Variants in BCL7B observed in about 807,000 individuals in gnomAD.
The protein encoded by BCL7B is BAF chromatin remodeling complex subunit BCL7B.
A neutral mutation model predicts 26.5 loss-of-function variants in BCL7B; 11 were observed. The ratio of observed to expected loss-of-function variants is 0.42; its 90% CI spans 0.26 to 0.69. The LOEUF is 0.69. BCL7B is among the 30% of genes least tolerant of loss of function. BCL7B has a pLI of 0.28. For synonymous variants in BCL7B, 111 were observed against 107.9 expected, an observed-to-expected ratio of 1.03 and a Z score of -0.18; for missense variants, 215 against 264.4, an observed-to-expected ratio of 0.81 and a Z score of 1.30.
intron 2 of BCL7B, among the ~76,000 whole-genome samples, chr7:73,548,609 C>T (rs1363625404): frequency 4.6e-5 from 7 of 151,538 alleles, no homozygotes; most frequent in East Asian, 2.0e-4. Flanking sequence ...AGATTGAAAC[C>T]GTGTCTTACA....
intron 4 of BCL7B, 133 bp downstream of exon 4, chr7:73,539,749 G>T: frequency 9.9e-7 from 1 of 1,010,424 alleles, no homozygotes; most frequent in Non-Finnish European, 1.4e-6. Context: ...TCATTCCTAA[G>T]CTATCGAGAA....
At chr7:73,540,160 A>G in intron 3 of BCL7B, 108 bp from the exon 4 acceptor site, 1 of 1,171,824 alleles carries the variant, frequency 8.5e-7, no homozygotes, top group Non-Finnish European at 1.2e-6. Flanking sequence ...CCAAGGATAC[A>G]ACTGAGTATA....
Position 73,538,031 on chromosome 7 carries a change from T to A in BCL7B, c.437-18A>T. The A allele has an allele frequency of 6.4e-7, 1 of 1,571,292 alleles. No homozygotes were observed. Among genetic ancestry groups the A allele is most frequent in the Non-Finnish European group, 8.7e-7 (1 of 1,155,998 alleles). On this transcript the variant is annotated intron_variant, in intron 4 of 5. Coordinates refer to ENST00000223368, the MANE Select transcript of BCL7B (RefSeq NM_001707.4). Reference sequence around the variant, plus strand: ...GGAGGGCTCTGAAAAGGCAGTAGGGTCGGCCTGAGGGCAGGGCTCCCCTGA... The same window carrying A: ...GGAGGGCTCTGAAAAGGCAGTAGGGACGGCCTGAGGGCAGGGCTCCCCTGA...
chr7:73,556,329 G>A (rs1487645388), intron 1 of BCL7B, among the ~76,000 whole-genome samples: 7 of 152,028 alleles, frequency 4.6e-5, no homozygotes, highest in African/African-American at 1.7e-4. Context: ...CTGGCGGGAG[G>A]TAACATCTAC....
intron 5 of BCL7B, among the ~76,000 whole-genome samples, chr7:73,537,707 G>C (rs1554582317): frequency 1.3e-5 from 2 of 152,108 alleles, no homozygotes; most frequent in Non-Finnish European, 2.9e-5. Flanking sequence ...GGCCAACATA[G>C]TGAAACCCCA....
At chr7:73,549,102 G>A (rs1282722610) in intron 2 of BCL7B, among the ~76,000 whole-genome samples, 1 of 152,106 alleles carries the variant, frequency 6.6e-6, no homozygotes, top group Non-Finnish European at 1.5e-5. Context: ...ATATATCCTA[G>A]GAAAACTCAT....
At chr7:73,552,588 G>A (rs782333246) in intron 1 of BCL7B, among the ~76,000 whole-genome samples, 1 of 151,894 alleles carries the variant, frequency 6.6e-6, no homozygotes, top group Non-Finnish European at 1.5e-5. Flanking sequence ...AGACCATCCC[G>A]GCCAACATGG....
intron 2 of BCL7B, among the ~76,000 whole-genome samples, chr7:73,550,961 T>C (rs1792143614): frequency 1.3e-5 from 2 of 152,082 alleles, no homozygotes; most frequent in South Asian, 4.1e-4. Flanking sequence ...CCGGCCCACA[T>C]ATTTAAGTTT....
intron 2 of BCL7B, among the ~76,000 whole-genome samples, chr7:73,548,146 G>A (rs1195123231): frequency 1.3e-5 from 2 of 151,894 alleles, no homozygotes; most frequent in South Asian, 2.1e-4. Context: ...AATTTTAGGC[G>A]AGCCTGGGCG....
Position 73,557,635 on chromosome 7 carries a change from G to T in BCL7B, c.-57C>A. On this transcript the variant is annotated 5_prime_UTR_variant, in exon 1 of 6. Transcript: ENST00000223368. Reference sequence around the variant, plus strand: ...CTGCTCCCAAGACACCGGGGATCGCGCGCCTCACGCGCCGCCGCCCGCCCG... The same window carrying T: ...CTGCTCCCAAGACACCGGGGATCGCTCGCCTCACGCGCCGCCGCCCGCCCG... 9.6e-7 allele frequency: 1 copy of T among 1,042,562 alleles called. No homozygotes were observed. The allele number at this position is 1,042,562 out of a possible 1,614,324, so 64.6% of individuals were successfully genotyped here.
At chr7:73,539,741 A>G (rs929936227) in intron 4 of BCL7B, 141 bp downstream of exon 4, 6 of 943,596 alleles carry the variant, frequency 6.4e-6, no homozygotes, top group South Asian at 1.9e-5. Context: ...AACTATAATC[A>G]TTCCTAAGCT....
At chr7:73,537,538 C>T (rs1442953227) in intron 5 of BCL7B, 148 bp from the exon 6 acceptor site, 2 of 636,730 alleles carry the variant, frequency 3.1e-6, no homozygotes, top group East Asian at 5.5e-5. Context: ...GACTCATTTC[C>T]GGCGCTGCAG....
chr7:73,551,168 G>A (rs973526881), intron 2 of BCL7B, among the ~76,000 whole-genome samples: 8 of 152,340 alleles, frequency 5.3e-5, no homozygotes, highest in Admixed American at 6.5e-5. Context: ...TTCTTAAAGG[G>A]TCAGATGATA....
intron 2 of BCL7B, among the ~76,000 whole-genome samples, chr7:73,550,639 T>TGG (rs1792127551): frequency 4.4e-5 from 1 of 22,662 alleles, no homozygotes. Flanking sequence ...ACATATTTTT[T>TGG]TTTTGTTTTT....
At chr7:73,542,091 C>T (rs771423886) in intron 3 of BCL7B, among the ~76,000 whole-genome samples, 30 of 152,238 alleles carry the variant, frequency 2.0e-4, no homozygotes, top group Non-Finnish European at 7.3e-5. Flanking sequence ...TGCACGCCTG[C>T]ATTTATCATT....
intron 1 of BCL7B, among the ~76,000 whole-genome samples, chr7:73,552,694 T>G (rs1792222202): frequency 6.6e-6 from 1 of 150,790 alleles, no homozygotes; most frequent in South Asian, 2.1e-4. Context: ...GGTGGGAGGA[T>G]CCCTTGAGCC....
At position 73,542,897 on chromosome 7, in the gene BCL7B, A is replaced by G. The variant is rs895341675; in HGVS notation, c.265+651T>C. On this transcript the variant is annotated intron_variant, in intron 3 of 5. Coordinates refer to ENST00000223368, the MANE Select transcript of BCL7B (RefSeq NM_001707.4). Reference sequence around the variant, plus strand: ...CACAACCAGCCTGGACAACATAGCCAGACTCTGTCTCTACAAAAAATAAAA... The same window carrying G: ...CACAACCAGCCTGGACAACATAGCCGGACTCTGTCTCTACAAAAAATAAAA... The G allele has an allele frequency of 9.0e-6, 4 of 444,092 alleles. No homozygotes were observed. The Admixed American group carries it at 1.0e-4, about 11-fold the overall frequency. The allele number at this position is 444,092 out of a possible 1,614,324, so 27.5% of individuals were successfully genotyped here.
intron 1 of BCL7B, among the ~76,000 whole-genome samples, chr7:73,556,386 G>A (rs1303436007): frequency 2.0e-5 from 3 of 152,092 alleles, no homozygotes; most frequent in Non-Finnish European, 2.9e-5. Flanking sequence ...ATGTTGCCCA[G>A]GCTGGTCTCA....
intron 2 of BCL7B, among the ~76,000 whole-genome samples, chr7:73,547,552 A>C (rs1291392273): frequency 6.6e-6 from 1 of 152,212 alleles, no homozygotes; most frequent in Non-Finnish European, 1.5e-5. Context: ...CAGGAAGCCA[A>C]GTAGATCACC....
Sources: allele counts gnomAD v4.1 joint callset (sites outside exome capture counted in the v4.1 genomes callset), GRCh38; gene constraint gnomAD v4.1.1; transcripts MANE v1.5; gene names NCBI Gene and HGNC (gene_info 2026-07-23, HGNC 2026-07-21).